MMP16: variants seen among roughly 807,000 people sequenced by gnomAD.
MMP16 encodes the protein matrix metalloproteinase-16.
A neutral mutation model predicts 67.8 loss-of-function variants in MMP16; 12 were observed. The ratio of observed to expected loss-of-function variants is 0.18; its 90% CI spans 0.11 to 0.29. MMP16 has a LOEUF of 0.29. Ranked by LOEUF, MMP16 falls within the 10% of genes least tolerant of loss-of-function variation. The pLI is 1.00. For synonymous variants in MMP16, 249 were observed against 255.9 expected (o/e 0.97, Z 0.26); for missense variants, 475 against 765.7 (o/e 0.62, Z 4.48).
intron 8 of MMP16, among the ~76,000 whole-genome samples, chr8:88,048,417 A>T (rs1808225788): frequency 7.0e-6 from 1 of 142,634 alleles, no homozygotes; most frequent in African/African-American, 2.7e-5. Flanking sequence ...GGAGTAAAAT[A>T]AGTTTATATT....
At chr8:88,045,756 C>A (rs1247803637) in intron 9 of MMP16, among the ~76,000 whole-genome samples, 1 of 152,092 alleles carries the variant, frequency 6.6e-6, no homozygotes, top group Non-Finnish European at 1.5e-5. Flanking sequence ...CTTGCTTTCT[C>A]TTCCCTGCCC....
intron 1 of MMP16, among the ~76,000 whole-genome samples, chr8:88,262,025 A>G (rs1420603424): frequency 6.6e-6 from 1 of 152,172 alleles, no homozygotes; most frequent in Non-Finnish European, 1.5e-5. Context: ...AAGGACTATG[A>G]TCTCTCTAGT....
Position 88,197,267 on chromosome 8 carries a change from G to T in MMP16, c.172C>A (p.Pro58Thr). The change falls in exon 2 of 10, where the codon CCC becomes ACC. Residue 58 changes from proline to threonine, a missense_variant. Pro to Thr is a conservative substitution (Grantham distance 38, BLOSUM62 -1). Transcript: ENST00000286614. ...GCAGAGCGCAGCACTGACATTCTGG[G>T]GTCAGTCGGTGGAAGGTAGCCGTAC... ...QKYGYLPPTDPRMSVLRSAET... is the reference protein window; with the variant it reads ...QKYGYLPPTDTRMSVLRSAET... 1.3e-6 allele frequency: 2 copies of T among 1,591,610 alleles called. No homozygotes were observed. The highest frequency in any genetic ancestry group is 1.7e-6 in the Non-Finnish European group (2 of 1,169,590).
intron 4 of MMP16, among the ~76,000 whole-genome samples, chr8:88,119,360 T>G (rs1807781355): frequency 6.6e-6 from 1 of 152,074 alleles, no homozygotes; most frequent in Admixed American, 6.6e-5. Flanking sequence ...TCAAGATATT[T>G]TGACTCCTAG....
At chr8:88,229,275 G>A (rs1167037611) in intron 1 of MMP16, among the ~76,000 whole-genome samples, 1 of 152,056 alleles carries the variant, frequency 6.6e-6, no homozygotes, top group East Asian at 1.9e-4. Context: ...TCATATTAAT[G>A]TAACTATTTT....
intron 1 of MMP16, among the ~76,000 whole-genome samples, chr8:88,245,702 T>C (rs1171194198): frequency 6.6e-6 from 1 of 151,920 alleles, no homozygotes; most frequent in East Asian, 1.9e-4. Context: ...TGGCTGCAAA[T>C]TTCAGGTGTT....
In MMP16 at chr8:88,041,624, T is replaced by C; in HGVS notation, c.1661A>G (p.Lys554Arg). 1 of 1,614,158 alleles carries C rather than the reference T, an allele frequency of 6.2e-7. No homozygotes were observed. The highest frequency in any genetic ancestry group is 1.1e-5 in the South Asian group (1 of 91,086). Reference protein sequence around the residue: ...SPPDDVDIVIKLDNTASTVKA... With the variant: ...SPPDDVDIVIRLDNTASTVKA... The stretch of plus-strand genomic sequence containing the variant: ...CACAGTGCTGGCTGTGTTGTCCAGT[T>C]TGATGACAATGTCTACATCATCTGG... The change falls in exon 10 of 10, where the codon AAA (lysine) becomes AGA (arginine). Residue 554 changes from lysine (K) to arginine (R), a missense_variant. By Grantham distance (26) the Lys-to-Arg change is conservative (BLOSUM62 2). Coordinates refer to ENST00000286614, the MANE Select transcript of MMP16 (RefSeq NM_005941.5). The surrounding 1 kb of genome is among the most constrained non-coding windows in gnomAD (Gnocchi z 6.0).
chr8:88,320,989 C>A (rs1355206771), intron 1 of MMP16, among the ~76,000 whole-genome samples: 1 of 151,966 alleles, frequency 6.6e-6, no homozygotes, highest in African/African-American at 2.4e-5. Flanking sequence ...CATGAAGAAC[C>A]TCAAAATCTA....
chr8:88,250,068 C>A (rs554093605), intron 1 of MMP16, among the ~76,000 whole-genome samples: 10 of 152,068 alleles, frequency 6.6e-5, no homozygotes, highest in Non-Finnish European at 1.2e-4. Flanking sequence ...TGCTTCTAAT[C>A]TTTCCTGACC....
intron 1 of MMP16, among the ~76,000 whole-genome samples, chr8:88,222,119 G>C (rs1447150401): frequency 1.3e-5 from 2 of 151,728 alleles, no homozygotes; most frequent in African/African-American, 2.4e-5. Context: ...ATCCAGGCAG[G>C]TGTCTCACTC....
intron 1 of MMP16, among the ~76,000 whole-genome samples, chr8:88,314,985 A>C (rs1811355196): frequency 6.6e-6 from 1 of 152,122 alleles, no homozygotes; most frequent in Admixed American, 6.6e-5. Flanking sequence ...AACTCTCTCA[A>C]GGCAGCAAGT....
chr8:88,180,652 CA>C (rs933587831), intron 3 of MMP16, among the ~76,000 whole-genome samples: 6 of 148,730 alleles, frequency 4.0e-5, no homozygotes, highest in South Asian at 2.1e-4. Flanking sequence ...GATAGAACTG[CA>C]AAAAAAAATG....
At chr8:88,297,649 C>T (rs975485470) in intron 1 of MMP16, among the ~76,000 whole-genome samples, 6 of 152,208 alleles carry the variant, frequency 3.9e-5, no homozygotes, top group Non-Finnish European at 7.3e-5. Flanking sequence ...ACTCTAAGTA[C>T]TGTGCAGTAG....
rs538037776 is a variant in MMP16, at chr8:88,092,918, G to C, written c.1084-18175C>G. On this transcript the variant is annotated intron_variant, in intron 6 of 9. Coordinates refer to ENST00000286614, the MANE Select transcript of MMP16 (RefSeq NM_005941.5). The stretch of plus-strand genomic sequence containing the variant: ...ATCTGTATCTGTAACCCACTCAATT[G>C]GTAGTGAGTATCTCTTGGTGAAACT... Among the ~76,000 whole-genome samples the C allele has an allele frequency of 4.6e-5, 7 of 151,822 alleles. No individual in the cohort carries two copies. In the East Asian group the frequency reaches 1.4e-3, roughly 30 times the overall value.
intron 2 of MMP16, among the ~76,000 whole-genome samples, chr8:88,196,683 C>T (rs370544251): frequency 1.3e-5 from 2 of 152,132 alleles, no homozygotes; most frequent in East Asian, 1.9e-4. Flanking sequence ...TTAACTGGCT[C>T]TCTGACGCTG....
rs900999518 is a variant in MMP16, at chr8:88,037,489, C to A, written c.*3972G>T. ...ATCATTACTTAGTAATTTATCACAT[C>A]GATTCAGAAAAGCCTTGCCCTCTGA... On this transcript the variant is annotated 3_prime_UTR_variant, in exon 10 of 10. Coordinates refer to ENST00000286614, the MANE Select transcript of MMP16 (RefSeq NM_005941.5). 6.6e-6 allele frequency: 1 copy of A among 151,840 alleles called. No homozygotes were observed. The highest frequency in any genetic ancestry group is 1.5e-5 in the Non-Finnish European group (1 of 67,856). The allele number at this position is 151,840 out of a possible 1,614,324, so 9.4% of individuals were successfully genotyped here.
chr8:88,091,714 G>T (rs1808940915), intron 6 of MMP16, among the ~76,000 whole-genome samples: 1 of 151,746 alleles, frequency 6.6e-6, no homozygotes, highest in Non-Finnish European at 1.5e-5. Flanking sequence ...CCCAAACACT[G>T]ATAATTACTA....
At chr8:88,046,257 T>C (rs147552486) in intron 9 of MMP16, among the ~76,000 whole-genome samples, 13 of 152,320 alleles carry the variant, frequency 8.5e-5, no homozygotes, top group African/African-American at 3.1e-4. Context: ...AGCTAAAGAA[T>C]AGATACAAAA....
At chr8:88,160,450 A>G (rs950554763) in intron 4 of MMP16, among the ~76,000 whole-genome samples, 1 of 152,020 alleles carries the variant, frequency 6.6e-6, no homozygotes, top group African/African-American at 2.4e-5. Context: ...AAAACAAACA[A>G]CCCCATCAAA....
Sources: gnomAD v4.1 joint callset for allele counts (sites outside exome capture counted in the v4.1 genomes callset) on GRCh38, gnomAD v4.1.1 for gene constraint, Gnocchi (gnomAD v3.1) non-coding constraint, MANE v1.5 for transcripts, NCBI Gene and HGNC (gene_info 2026-07-23, HGNC 2026-07-21) for gene names.